Variants in G2E3 observed in about 807,000 individuals in gnomAD.
The protein encoded by G2E3 is G2/M-phase specific E3 ubiquitin protein ligase.
A neutral mutation model predicts 92.8 loss-of-function variants in G2E3; 35 were observed. The observed-to-expected ratio is 0.38, with a 90% CI of 0.29 to 0.50. G2E3 has a LOEUF of 0.50. G2E3 is among the 20% of genes least tolerant of loss of function. The pLI is 0.94. For missense variants in G2E3, 554 were observed against 823.8 expected (o/e 0.67, Z 4.01); for synonymous variants, 242 against 272.4 (o/e 0.89, Z 1.10).
chr14:30,611,785 G>C (rs1006012011), intron 12 of G2E3: 1 of 152,620 alleles, frequency 6.6e-6, no homozygotes, highest in African/African-American at 2.4e-5. Flanking sequence ...TTCCAGAGTA[G>C]CTAGGACTAC....
At chr14:30,610,053 G>T (rs1213189787) in intron 12 of G2E3, among the ~76,000 whole-genome samples, 1 of 152,118 alleles carries the variant, frequency 6.6e-6, no homozygotes, top group East Asian at 1.9e-4. Flanking sequence ...GCTTCTCATT[G>T]CCTGTTGAAC....
intron 7 of G2E3, 61 bp downstream of exon 7, chr14:30,597,587 A>G (rs1881350909): frequency 3.4e-6 from 3 of 895,222 alleles, no homozygotes; most frequent in Admixed American, 1.8e-5. Context: ...TTTAATAGCA[A>G]TGGAAATGAT....
In G2E3 at chr14:30,592,348, G is replaced by T; in HGVS notation, c.263G>T (p.Gly88Val). 6.2e-7 allele frequency: 1 copy of T among 1,612,264 alleles called. No individual in the cohort carries two copies. Among genetic ancestry groups the T allele is most frequent in the Non-Finnish European group, 8.5e-7 (1 of 1,178,824 alleles). Residue 88 changes from glycine (G) to valine (V), a missense_variant, in exon 5 of 15, where the codon GGT becomes GTT. By Grantham distance (109) the Gly-to-Val change is moderately radical. Coordinates refer to ENST00000206595, the MANE Select transcript of G2E3 (RefSeq NM_017769.5). Reference protein sequence around the residue: ...KLKCCVCKKNGASIGCVAPRC... With the variant: ...KLKCCVCKKNVASIGCVAPRC... ...AAATGCTGTGTTTGCAAGAAAAATG[G>T]TGCTTCAATTGGATGTGTTGCACCC...
intron 7 of G2E3, 148 bp from the exon 8 acceptor site, chr14:30,598,335 T>G: frequency 2.0e-5 from 11 of 540,216 alleles, no homozygotes; most frequent in East Asian, 6.6e-5. Flanking sequence ...TGCAGTGACC[T>G]GAGATTGCAC....
chr14:30,573,007 C>CT (rs11411112), intron 1 of G2E3, among the ~76,000 whole-genome samples: 25,331 of 150,998 alleles, frequency 0.17, 3,795 homozygotes, highest in African/African-American at 0.4. Context: ...GTTTTATGTA[C>CT]TTTTTTTTTG....
intron 1 of G2E3, among the ~76,000 whole-genome samples, chr14:30,561,456 C>G (rs1226512465): frequency 1.3e-5 from 2 of 152,182 alleles, no homozygotes; most frequent in Non-Finnish European, 2.9e-5. Context: ...TTTTTATTTA[C>G]AGAGCCCTTC....
intron 1 of G2E3, among the ~76,000 whole-genome samples, chr14:30,566,639 G>A (rs1014670124): frequency 2.0e-5 from 3 of 152,256 alleles, no homozygotes; most frequent in Admixed American, 2.0e-4. Flanking sequence ...TGTGAATTCT[G>A]TAGGAAATTC....
At chr14:30,596,129 G>GCGTGTGTGTGT in intron 6 of G2E3, among the ~76,000 whole-genome samples, 1 of 53,730 alleles carries the variant, frequency 1.9e-5, no homozygotes, top group Admixed American at 1.9e-4. Context: ...TGGGTGGGTG[G>GCGTGTGTGTGT]GTGTGCGTGT....
chr14:30,569,355 A>G (rs117692199), intron 1 of G2E3, among the ~76,000 whole-genome samples: 2 of 152,290 alleles, frequency 1.3e-5, no homozygotes, highest in East Asian at 3.9e-4. Flanking sequence ...GGTAGGTATT[A>G]TCATCTCCAT....
intron 13 of G2E3, among the ~76,000 whole-genome samples, chr14:30,613,825 G>A (rs980521159): frequency 9.9e-5 from 15 of 151,786 alleles, no homozygotes; most frequent in African/African-American, 3.1e-4. Flanking sequence ...GAGAATTCCA[G>A]TTCTTAATGA....
At chr14:30,574,299 A>G (rs1487701852) in intron 1 of G2E3, among the ~76,000 whole-genome samples, 3 of 152,090 alleles carry the variant, frequency 2.0e-5, no homozygotes, top group Non-Finnish European at 2.9e-5. Flanking sequence ...TTTCAACTAA[A>G]TATTGTTTTG....
chr14:30,612,319 T>G lies in G2E3; in HGVS notation c.1613T>G (p.Met538Arg), dbSNP rs371320046. ...RLITTLSDKY[M>R]LVKDILGYHV... ...ATAACGACATTAAGTGATAAATATA[T>G]GTTAGTAAAAGACATACTTGGCTAC... is the stretch of plus-strand genomic sequence containing the variant. The change falls in exon 13 of 15, where the codon ATG (methionine) becomes AGG (arginine). Residue 538 changes from methionine (M) to arginine (R), a missense_variant. Around this residue, in one of 3 missense-constraint regions of G2E3, gnomAD observed 397 missense variants for 560.3 expected, o/e 0.71. Coordinates refer to ENST00000206595, the MANE Select transcript of G2E3 (RefSeq NM_017769.5). 6.2e-7 allele frequency: 1 copy of G among 1,607,158 alleles called. No individual in the cohort carries two copies. Among genetic ancestry groups the G allele is most frequent in the Non-Finnish European group, 8.5e-7 (1 of 1,174,564 alleles).
chr14:30,599,659 TAAAG>T (rs770063685), intron 8 of G2E3, among the ~76,000 whole-genome samples: 5 of 152,336 alleles, frequency 3.3e-5, no homozygotes, highest in South Asian at 2.1e-4. Context: ...TAATACGACT[TAAAG>T]AACTTACATG....
chr14:30,568,426 A>T (rs1238212098), intron 1 of G2E3, among the ~76,000 whole-genome samples: 3 of 152,028 alleles, frequency 2.0e-5, no homozygotes, highest in Non-Finnish European at 4.4e-5. Flanking sequence ...TTAAGGAAGG[A>T]TTTCTGACAT....
intron 2 of G2E3, 86 bp downstream of exon 2, chr14:30,581,202 C>G: frequency 1.3e-6 from 1 of 756,104 alleles, no homozygotes; most frequent in Non-Finnish European, 2.4e-6. Flanking sequence ...GGAATGAATT[C>G]CCTGGCACAA....
intron 1 of G2E3, among the ~76,000 whole-genome samples, chr14:30,563,264 T>A (rs229179): frequency 0.49 from 74,160 of 151,876 alleles, 21,112 homozygotes; most frequent in African/African-American, 0.79. Flanking sequence ...TTCCGTTTGA[T>A]CACTTAAGAC....
At chr14:30,562,228 G>A (rs1443444870) in intron 1 of G2E3, among the ~76,000 whole-genome samples, 3 of 152,018 alleles carry the variant, frequency 2.0e-5, no homozygotes, top group African/African-American at 7.2e-5. Context: ...AGCTGTTCCA[G>A]TATAATAAAA....
chr14:30,559,948 TAAC>T (rs1208065051), intron 1 of G2E3: 5 of 152,180 alleles, frequency 3.3e-5, no homozygotes, highest in African/African-American at 4.8e-5. Context: ...CGGTGGTGAT[TAAC>T]TAGGGTCTTA....
At chr14:30,560,692 CT>C in intron 1 of G2E3, 1 of 633,604 alleles carries the variant, frequency 1.6e-6, no homozygotes, top group Non-Finnish European at 2.8e-6. Flanking sequence ...GATTTTTGCT[CT>C]TTCTTAAATC....
Sources: gnomAD v4.1 joint callset for allele counts (sites outside exome capture counted in the v4.1 genomes callset) on GRCh38, gnomAD v4.1.1 for gene constraint, gnomAD v4.1.1 regional missense constraint, MANE v1.5 for transcripts, NCBI Gene and HGNC (gene_info 2026-07-23, HGNC 2026-07-21) for gene names.